Variants in PAX7 observed in about 807,000 individuals in gnomAD.
PAX7 encodes paired box 7, also known as paired box protein Pax-7.
A neutral mutation model predicts 50.7 loss-of-function variants in PAX7; 18 were observed. The observed-to-expected ratio is 0.36, with a 90% CI of 0.25 to 0.53. The LOEUF (loss-of-function observed/expected upper bound fraction) is 0.53, where lower values mean the gene tolerates loss of function less well. PAX7 is among the 20% of genes least tolerant of loss of function. The pLI is 0.93. For synonymous variants in PAX7, 310 were observed against 290.4 expected, an observed-to-expected ratio of 1.07 and a Z score of -0.69; for missense variants, 644 against 702.9, an observed-to-expected ratio of 0.92 and a Z score of 0.95.
At chr1:18,673,305 T>G (rs754205430) in intron 4 of PAX7, among the ~76,000 whole-genome samples, 27 of 152,208 alleles carry the variant, frequency 1.8e-4, no homozygotes, top group Non-Finnish European at 2.8e-4. Flanking sequence ...AGACACCCGT[T>G]ACCACTGTTT....
intron 4 of PAX7, among the ~76,000 whole-genome samples, chr1:18,679,733 A>C (rs916650277): frequency 6.6e-6 from 1 of 152,200 alleles, no homozygotes; most frequent in African/African-American, 2.4e-5. Flanking sequence ...TGGCTTGGGG[A>C]TCTGCAAAGC....
chr1:18,744,692 G>GGATGGATGGATA (rs1931345658), intron 8 of PAX7, 122 bp from the exon 9 acceptor site: 2 of 159,336 alleles, frequency 1.3e-5, no homozygotes, highest in African/African-American at 1.3e-4. Context: ...ATGGATAAAT[G>GGATGGATGGATA]GATGGATGGA....
chr1:18,661,782 T>C (rs1440103860), intron 4 of PAX7, among the ~76,000 whole-genome samples: 2 of 152,206 alleles, frequency 1.3e-5, no homozygotes, highest in African/African-American at 4.8e-5. Context: ...CTCCTTATTA[T>C]GGCAATTAAT....
intron 7 of PAX7, among the ~76,000 whole-genome samples, chr1:18,727,385 C>T (rs1297750964): frequency 2.8e-4 from 43 of 151,284 alleles, no homozygotes; most frequent in African/African-American, 7.3e-4. Flanking sequence ...CACACACACA[C>T]ACACACACAC....
At chr1:18,707,986 T>C (rs1444094872) in intron 7 of PAX7, among the ~76,000 whole-genome samples, 1 of 152,154 alleles carries the variant, frequency 6.6e-6, no homozygotes, top group East Asian at 1.9e-4. Context: ...TCAGGAGGTT[T>C]AGATACCCTT....
At chr1:18,688,119 C>G (rs2743211) in intron 4 of PAX7, among the ~76,000 whole-genome samples, 3 of 152,098 alleles carry the variant, frequency 2.0e-5, no homozygotes, top group African/African-American at 7.2e-5. Flanking sequence ...TATATCTTGT[C>G]CTATTATTTC....
At chr1:18,702,838 C>A (rs2089238690) in intron 6 of PAX7, among the ~76,000 whole-genome samples, 1 of 152,186 alleles carries the variant, frequency 6.6e-6, no homozygotes, top group African/African-American at 2.4e-5. Flanking sequence ...GTGTGCCAAG[C>A]ACTGAGGAAC....
chr1:18,694,061 G>A (rs1441199198), intron 5 of PAX7, among the ~76,000 whole-genome samples: 1 of 152,224 alleles, frequency 6.6e-6, no homozygotes, highest in Non-Finnish European at 1.5e-5. Flanking sequence ...CTAGGGCAGG[G>A]CAGGGACTCC....
intron 4 of PAX7, among the ~76,000 whole-genome samples, chr1:18,646,032 TA>T (rs2088332660): frequency 6.6e-6 from 1 of 152,264 alleles, no homozygotes; most frequent in African/African-American, 2.4e-5. Flanking sequence ...GGTAGAAAAA[TA>T]AAGTCCAATG....
chr1:18,715,079 G>C (rs2089401984), intron 7 of PAX7, among the ~76,000 whole-genome samples: 1 of 152,182 alleles, frequency 6.6e-6, no homozygotes, highest in Non-Finnish European at 1.5e-5. Flanking sequence ...AGGAGAGACG[G>C]GGGGTGACTT....
At chr1:18,643,447 G>A (rs938369488) in intron 4 of PAX7, among the ~76,000 whole-genome samples, 1 of 152,258 alleles carries the variant, frequency 6.6e-6, no homozygotes, top group Non-Finnish European at 1.5e-5. Context: ...GAGCGCAGCA[G>A]AAGAGAATCT....
At position 18,632,738 on chromosome 1, in the gene PAX7, C is replaced by T. The variant is rs1296891171; in HGVS notation, c.85+1050C>T. Among the ~76,000 whole-genome samples, 1 of 151,666 alleles carries T rather than the reference C, an allele frequency of 6.6e-6. No homozygotes were observed. Among genetic ancestry groups the T allele is most frequent in the African/African-American group, 2.4e-5 (1 of 41,296 alleles). On this transcript the variant is annotated intron_variant, in intron 1 of 8. Coordinates refer to ENST00000420770, the MANE Select transcript of PAX7 (RefSeq NM_001135254.2). The surrounding 1 kb of genome is among the most constrained non-coding windows in gnomAD (Gnocchi z 6.3). ...AGGGAGGGGGTGGGTGGGCTGGCAGCCTGCGATCCGGGAGGAGCTCCCTTG... is the reference window on the plus strand; with the variant it reads ...AGGGAGGGGGTGGGTGGGCTGGCAGTCTGCGATCCGGGAGGAGCTCCCTTG...
intron 4 of PAX7, among the ~76,000 whole-genome samples, chr1:18,646,685 C>T (rs2088345286): frequency 6.6e-6 from 1 of 151,998 alleles, no homozygotes. Context: ...AGTAACCAAA[C>T]CCCCGAAAGC....
chr1:18,701,362 G>T (rs967044870), intron 6 of PAX7, among the ~76,000 whole-genome samples: 1 of 152,024 alleles, frequency 6.6e-6, no homozygotes, highest in Non-Finnish European at 1.5e-5. Flanking sequence ...GAGTGTGTGC[G>T]TATGAGTGAG....
At chr1:18,703,023 C>G in intron 6 of PAX7, 71 bp from the exon 7 acceptor site, 1 of 1,413,152 alleles carries the variant, frequency 7.1e-7, no homozygotes, top group Non-Finnish European at 9.9e-7. Context: ...CTTGGCTTGC[C>G]TTCTGCTCTC....
rs1931499566 is a variant in PAX7 at position 18,747,645 on chromosome 1, C to T, written c.*2716C>T. 2 of 210,724 alleles carry T rather than the reference C, an allele frequency of 9.5e-6. No individual in the cohort carries two copies. Among genetic ancestry groups the T allele is most frequent in the African/African-American group, 2.3e-5 (1 of 44,034 alleles). The allele number at this position is 210,724 out of a possible 1,614,324, so 13.1% of individuals were successfully genotyped here. The stretch of plus-strand genomic sequence containing the variant: ...CGTCCCAGAAACAACCCCCATCCAT[C>T]CCTGTAAATAGAGTCTGTAGCAAAA... On this transcript the variant is annotated 3_prime_UTR_variant, in exon 9 of 9. Transcript: ENST00000420770.
rs939065918 is a variant in PAX7, at chr1:18,742,157, T to C, written c.1403-2657T>C. Among the ~76,000 whole-genome samples, 14 of 139,396 alleles carry C rather than the reference T, an allele frequency of 1.0e-4. 1 individual carries two copies. The highest frequency in any genetic ancestry group is 1.1e-4 in the African/African-American group (4 of 36,772). The allele number at this position is 139,396 out of a possible 152,430, so 91.4% of individuals were successfully genotyped here. A position where few individuals can be genotyped will look rare whatever the true frequency, so the allele number is the denominator to read the frequency against. ...TCTAAGAATGAGGCTTCTTTTTTTTTTTTTTTTTTTTTTTTTTTGAGACGG... is the reference window on the plus strand; with the variant it reads ...TCTAAGAATGAGGCTTCTTTTTTTTCTTTTTTTTTTTTTTTTTTGAGACGG... On this transcript the variant is annotated intron_variant, in intron 8 of 8. Transcript: ENST00000420770.
chr1:18,655,363 G>A (rs1056853508), intron 4 of PAX7, among the ~76,000 whole-genome samples: 27 of 152,166 alleles, frequency 1.8e-4, no homozygotes, highest in African/African-American at 6.5e-4. Flanking sequence ...TGCCAAACTG[G>A]GTTTGAATCA....
At chr1:18,664,080 G>A (rs373269973) in intron 4 of PAX7, among the ~76,000 whole-genome samples, 1 of 152,186 alleles carries the variant, frequency 6.6e-6, no homozygotes, top group East Asian at 1.9e-4. Flanking sequence ...CTCCCAGATC[G>A]TTGTACCAAG....
Sources: gnomAD v4.1 joint callset for allele counts (sites outside exome capture counted in the v4.1 genomes callset) on GRCh38, gnomAD v4.1.1 for gene constraint, Gnocchi (gnomAD v3.1) non-coding constraint, MANE v1.5 for transcripts, NCBI Gene and HGNC (gene_info 2026-07-23, HGNC 2026-07-21) for gene names.